KCNMB2: variants seen among roughly 807,000 people sequenced by gnomAD.
KCNMB2 encodes the protein calcium-activated potassium channel subunit beta-2.
Under a neutral mutation model 24.5 loss-of-function variants are expected in KCNMB2, and 9 were observed. The ratio of observed to expected loss-of-function variants is 0.37; its 90% CI spans 0.22 to 0.64. The LOEUF is 0.64. Among genes scored for constraint, KCNMB2 ranks in the 30% least tolerant of loss-of-function variants. The pLI is 0.63. For synonymous variants in KCNMB2, 109 were observed against 104.4 expected (o/e 1.04, Z -0.27); for missense variants, 226 against 284.3 (o/e 0.79, Z 1.47).
chr3:178,689,195 T>TA (rs34229948), intron 1 of KCNMB2, among the ~76,000 whole-genome samples: 4 of 151,362 alleles, frequency 2.6e-5, no homozygotes, highest in Non-Finnish European at 4.4e-5. Flanking sequence ...AAATGTTAGT[T>TA]AAAAAAATGT....
intron 1 of KCNMB2, among the ~76,000 whole-genome samples, chr3:178,654,523 G>T (rs891776633): frequency 6.6e-6 from 1 of 152,056 alleles, no homozygotes; most frequent in Non-Finnish European, 1.5e-5. Flanking sequence ...TGGCAAAAAT[G>T]AATGAGATCG....
intron 1 of KCNMB2, among the ~76,000 whole-genome samples, chr3:178,569,148 A>G (rs575897269): frequency 3.4e-4 from 52 of 152,008 alleles, no homozygotes; most frequent in Non-Finnish European, 6.5e-4. Context: ...GTTTTTCCCC[A>G]TGTATTAGGA....
At chr3:178,607,255 A>G (rs910677299) in intron 1 of KCNMB2, among the ~76,000 whole-genome samples, 1 of 152,192 alleles carries the variant, frequency 6.6e-6, no homozygotes, top group African/African-American at 2.4e-5. Flanking sequence ...AAAGGGTTAG[A>G]TCTCCTAGAA....
intron 3 of KCNMB2, among the ~76,000 whole-genome samples, chr3:178,827,717 C>T (rs1714887820): frequency 6.6e-6 from 1 of 152,172 alleles, no homozygotes; most frequent in Non-Finnish European, 1.5e-5. Context: ...GCCATCTCTC[C>T]CCTCCTTCTC....
intron 1 of KCNMB2, among the ~76,000 whole-genome samples, chr3:178,582,297 G>A (rs1717241751): frequency 6.6e-6 from 1 of 152,192 alleles, no homozygotes; most frequent in African/African-American, 2.4e-5. Flanking sequence ...TCACTCATAT[G>A]TGGGAGCTGA....
intron 1 of KCNMB2, among the ~76,000 whole-genome samples, chr3:178,768,091 T>TA (rs1386729699): frequency 6.6e-6 from 1 of 152,138 alleles, no homozygotes; most frequent in Non-Finnish European, 1.5e-5. Context: ...TAAGTGAAGA[T>TA]AGATTCCCCC....
At chr3:178,629,751 AAGG>A in intron 1 of KCNMB2, among the ~76,000 whole-genome samples, 1 of 152,314 alleles carries the variant, frequency 6.6e-6, no homozygotes, top group Non-Finnish European at 1.5e-5. Flanking sequence ...AAATGTCAAG[AAGG>A]AGAAGTAGTA....
intron 1 of KCNMB2, among the ~76,000 whole-genome samples, chr3:178,680,917 C>A (rs1411149727): frequency 6.6e-6 from 1 of 152,116 alleles, no homozygotes; most frequent in African/African-American, 2.4e-5. Flanking sequence ...TCATTGAAAG[C>A]TTTTCAGGCT....
intron 1 of KCNMB2, among the ~76,000 whole-genome samples, chr3:178,786,364 TC>T (rs1422290524): frequency 6.6e-6 from 1 of 152,072 alleles, no homozygotes; most frequent in Non-Finnish European, 1.5e-5. Context: ...AATCATTAGC[TC>T]CCCTTTGGGA....
intron 1 of KCNMB2, among the ~76,000 whole-genome samples, chr3:178,612,664 A>G (rs1353386121): frequency 2.6e-5 from 4 of 152,076 alleles, no homozygotes; most frequent in Non-Finnish European, 5.9e-5. Context: ...CAGTGAATCA[A>G]TGGGTCTTGT....
At chr3:178,624,277 T>C (rs1313982985) in intron 1 of KCNMB2, among the ~76,000 whole-genome samples, 1 of 151,330 alleles carries the variant, frequency 6.6e-6, no homozygotes, top group Non-Finnish European at 1.5e-5. Flanking sequence ...TTTTTCTGGA[T>C]TGATACCCAA....
chr3:178,750,660 ACTTTTGCACCCG>A (rs1014409189), intron 1 of KCNMB2, among the ~76,000 whole-genome samples: 11 of 152,192 alleles, frequency 7.2e-5, no homozygotes, highest in South Asian at 6.2e-4. Flanking sequence ...ATGCAGACAG[ACTTTTGCACCCG>A]CATGGGCACA....
intron 1 of KCNMB2, among the ~76,000 whole-genome samples, chr3:178,660,857 T>C (rs1720500508): frequency 6.6e-6 from 1 of 152,092 alleles, no homozygotes. Flanking sequence ...TCTTCCTACA[T>C]GGTGATCTAG....
chr3:178,750,301 C>CT (rs767048300), intron 1 of KCNMB2, among the ~76,000 whole-genome samples: 93 of 151,892 alleles, frequency 6.1e-4, no homozygotes, highest in Non-Finnish European at 9.4e-4. Flanking sequence ...TTGACTTTGA[C>CT]TTTTTTTCCC....
intron 1 of KCNMB2, among the ~76,000 whole-genome samples, chr3:178,656,074 C>A (rs1290254905): frequency 1.3e-5 from 2 of 152,092 alleles, no homozygotes. Flanking sequence ...CATAACCAGA[C>A]ATGTAATTAA....
chr3:178,708,045 T>G (rs950539591), intron 1 of KCNMB2, among the ~76,000 whole-genome samples: 2 of 152,168 alleles, frequency 1.3e-5, no homozygotes, highest in African/African-American at 4.8e-5. Flanking sequence ...ATTCATGAAT[T>G]GCTATCTGCT....
At chr3:178,654,593 TA>T (rs1472034979) in intron 1 of KCNMB2, among the ~76,000 whole-genome samples, 2 of 152,230 alleles carry the variant, frequency 1.3e-5, no homozygotes, top group Non-Finnish European at 2.9e-5. Flanking sequence ...AACTTTTACA[TA>T]CATGTTATCT....
chr3:178,574,586 G>A (rs896155693), intron 1 of KCNMB2, among the ~76,000 whole-genome samples: 4 of 152,182 alleles, frequency 2.6e-5, no homozygotes, highest in Non-Finnish European at 2.9e-5. Context: ...CATCCAGTCC[G>A]TGTCAGACAT....
At chr3:178,707,286 G>T (rs1722310125) in intron 1 of KCNMB2, among the ~76,000 whole-genome samples, 1 of 152,136 alleles carries the variant, frequency 6.6e-6, no homozygotes, top group South Asian at 2.1e-4. Context: ...GAAGAGAAAA[G>T]TAGCTCTCAG....
Sources: gnomAD v4.1 joint callset for allele counts (sites outside exome capture counted in the v4.1 genomes callset) on GRCh38, gnomAD v4.1.1 for gene constraint, MANE v1.5 for transcripts, NCBI Gene and HGNC (gene_info 2026-07-23, HGNC 2026-07-21) for gene names.